BCAR3: variants seen among roughly 807,000 people sequenced by gnomAD.
BCAR3 encodes BCAR3 adaptor protein, NSP family member.
In BCAR3, 37 loss-of-function variants were observed where a neutral mutation model predicts 80.1. That is an observed-to-expected ratio of 0.46 (90% confidence interval 0.36 to 0.61). BCAR3 has a LOEUF of 0.61. Among genes scored for constraint, BCAR3 ranks in the 20% least tolerant of loss-of-function variants. The probability of loss-of-function intolerance (pLI) is 0.00; values close to 1 mark genes in which losing one functional copy is unlikely to be tolerated. For missense variants in BCAR3, 978 were observed against 1,068.2 expected (o/e 0.92, Z 1.18); for synonymous variants, 389 against 418.9 (o/e 0.93, Z 0.87).
intron 3 of BCAR3, among the ~76,000 whole-genome samples, chr1:93,696,409 T>A (rs1244451003): frequency 1.3e-5 from 2 of 152,010 alleles, no homozygotes; most frequent in Non-Finnish European, 2.9e-5. Context: ...CGCACACAAA[T>A]AACACACAGC....
At position 93,571,692 on chromosome 1, in the gene BCAR3, A is replaced by C; in HGVS notation, c.1952T>G (p.Met651Arg). The C allele has an allele frequency of 6.2e-7, 1 of 1,614,180 alleles. No individual in the cohort carries two copies. Among genetic ancestry groups the C allele is most frequent in the Non-Finnish European group, 8.5e-7 (1 of 1,180,028 alleles). The change falls in exon 9 of 12, where the codon ATG becomes AGG. Residue 651 changes from methionine (M) to arginine (R), a missense_variant. Physicochemically the swap from Met to Arg is moderately conservative, Grantham distance 91 (BLOSUM62 -1). Transcript: ENST00000260502. ...TACCTGTGGCATTTCCAGGGCTTTC[A>C]TGAGAGCTGAGAAGGAATAGAGGTC... ...MGDLYSFSALMKALEMPQITR... is the reference protein window; with the variant it reads ...MGDLYSFSALRKALEMPQITR...
chr1:93,595,251 T>A (rs191899968), intron 3 of BCAR3, among the ~76,000 whole-genome samples: 8 of 152,294 alleles, frequency 5.3e-5, no homozygotes, highest in Non-Finnish European at 1.0e-4. Context: ...CTCTTGCATA[T>A]TTTATGAAAA....
intron 1 of BCAR3, chr1:93,846,986 G>GC (rs373815674): frequency 1 from 344,643 of 344,660 alleles, 172,315 homozygotes; most frequent in Middle Eastern, 1. Flanking sequence ...GGCGGCGCTC[G>GC]CGCGCAGGTC....
chr1:93,719,899 C>T (rs561782746), intron 2 of BCAR3, among the ~76,000 whole-genome samples: 2 of 152,040 alleles, frequency 1.3e-5, no homozygotes, highest in Non-Finnish European at 2.9e-5. Context: ...TTGAATTTTA[C>T]AATTTTTTAT....
chr1:93,697,852 C>T (rs1203572729), intron 3 of BCAR3, among the ~76,000 whole-genome samples: 1 of 152,198 alleles, frequency 6.6e-6, no homozygotes, highest in African/African-American at 2.4e-5. Flanking sequence ...GTGGCGCATG[C>T]CTGTAATCCC....
intron 2 of BCAR3, among the ~76,000 whole-genome samples, chr1:93,729,599 C>A (rs1650711514): frequency 6.6e-6 from 1 of 152,188 alleles, no homozygotes; most frequent in Non-Finnish European, 1.5e-5. Flanking sequence ...TAACCCACCC[C>A]ACCGGAAGCC....
intron 7 of BCAR3, among the ~76,000 whole-genome samples, chr1:93,580,266 T>C (rs1673644123): frequency 6.6e-6 from 1 of 152,174 alleles, no homozygotes; most frequent in Non-Finnish European, 1.5e-5. Flanking sequence ...CTTCTTGCCA[T>C]GATTCAACAC....
At position 93,703,533 on chromosome 1, in the gene BCAR3, C is replaced by T. The variant is rs943671196; in HGVS notation, c.-12+2559G>A. On this transcript the variant is annotated intron_variant, in intron 3 of 13. Coordinates refer to the BCAR3 transcript ENST00000370244. ...AGCAAGCTATAATCTTGCCACCACA[C>T]TCCAGCCTGTGACAGAGCAAAACCC... Among the ~76,000 whole-genome samples the T allele has an allele frequency of 1.2e-4, 18 of 149,400 alleles. 3 individuals carry two copies. Among genetic ancestry groups the T allele is most frequent in the Admixed American group, 6.0e-4 (9 of 14,994 alleles).
At chr1:93,846,254 G>A (rs1280602142) in intron 1 of BCAR3, among the ~76,000 whole-genome samples, 1 of 152,242 alleles carries the variant, frequency 6.6e-6, no homozygotes, top group Admixed American at 6.5e-5. Context: ...GGCGATGCTG[G>A]GCAGGGGCGG....
chr1:93,777,118 T>C (rs969381425), intron 2 of BCAR3, among the ~76,000 whole-genome samples: 1 of 152,124 alleles, frequency 6.6e-6, no homozygotes, highest in African/African-American at 2.4e-5. Flanking sequence ...GAGGATTGCT[T>C]GCTGGCAAAC....
At chr1:93,815,073 C>G (rs1177868178) in intron 2 of BCAR3, among the ~76,000 whole-genome samples, 3 of 152,172 alleles carry the variant, frequency 2.0e-5, no homozygotes, top group African/African-American at 4.8e-5. Context: ...ACAACTTGCC[C>G]CCACAGAGCT....
At chr1:93,604,988 G>A (rs149380053) in intron 3 of BCAR3, among the ~76,000 whole-genome samples, 2 of 152,258 alleles carry the variant, frequency 1.3e-5, no homozygotes, top group African/African-American at 4.8e-5. Context: ...CTCACTCAAA[G>A]CTCAGCTCCA....
At chr1:93,771,981 C>G (rs1308054608) in intron 2 of BCAR3, among the ~76,000 whole-genome samples, 1 of 152,208 alleles carries the variant, frequency 6.6e-6, no homozygotes, top group African/African-American at 2.4e-5. Flanking sequence ...CCCACTTCCT[C>G]CTGGCAGCCC....
At chr1:93,844,503 C>T (rs1655072942) in intron 2 of BCAR3, among the ~76,000 whole-genome samples, 1 of 152,150 alleles carries the variant, frequency 6.6e-6, no homozygotes, top group Non-Finnish European at 1.5e-5. Flanking sequence ...TGTATAATGG[C>T]TGTTTACTAC....
chr1:93,677,673 C>A (rs1648547147), intron 1 of BCAR3, among the ~76,000 whole-genome samples: 1 of 152,152 alleles, frequency 6.6e-6, no homozygotes, highest in Non-Finnish European at 1.5e-5. Context: ...GAGCCTACAG[C>A]CACAGAAGGT....
intron 2 of BCAR3, among the ~76,000 whole-genome samples, chr1:93,766,101 A>G (rs1409461064): frequency 1.3e-5 from 2 of 152,100 alleles, no homozygotes; most frequent in Admixed American, 1.3e-4. Flanking sequence ...CCTTCTGCCA[A>G]TCGCTGGCAA....
chr1:93,679,786 T>C (rs556400112), intron 1 of BCAR3, among the ~76,000 whole-genome samples: 1 of 152,332 alleles, frequency 6.6e-6, no homozygotes, highest in South Asian at 2.1e-4. Context: ...TCAAAGAAAC[T>C]GATGATCTTG....
Position 93,592,322 on chromosome 1 carries a change from G to A in BCAR3, c.429C>T (p.Leu143=), listed in dbSNP as rs781175769. The A allele has an allele frequency of 6.2e-7, 1 of 1,611,442 alleles. No individual in the cohort carries two copies. Among genetic ancestry groups the A allele is most frequent in the South Asian group, 1.1e-5 (1 of 91,050 alleles). The change falls in exon 4 of 12, where the codon CTC becomes CTT. Residue 143 remains leucine (L), a synonymous_variant. Transcript: ENST00000260502. This position sits in a 1 kb window ranked among gnomAD's most constrained non-coding sequence, Gnocchi z 4.8. ...KLKKELEEEL[L]LSSEDLRSHA... ...GGCTGCGCAGGTCCTCGCTGCTCAG[G>A]AGCAGCTCCTCCTCCAGCTCCTTCT...
At chr1:93,701,914 G>A (rs987972317) in intron 3 of BCAR3, among the ~76,000 whole-genome samples, 1 of 152,160 alleles carries the variant, frequency 6.6e-6, no homozygotes, top group Non-Finnish European at 1.5e-5. Flanking sequence ...GGGTGGGACT[G>A]GGCTGTGCTC....
Sources: allele counts gnomAD v4.1 joint callset (sites outside exome capture counted in the v4.1 genomes callset), GRCh38; gene constraint gnomAD v4.1.1; non-coding constraint Gnocchi (gnomAD v3.1); transcripts MANE v1.5; gene names NCBI Gene and HGNC (gene_info 2026-07-23, HGNC 2026-07-21).